TRIO: variants seen among roughly 807,000 people sequenced by gnomAD.
TRIO encodes triple functional domain protein.
In TRIO, 58 loss-of-function variants were observed where a neutral mutation model predicts 351.9. The observed-to-expected ratio is 0.16, with a 90% CI of 0.13 to 0.21. The LOEUF is 0.21. Ranked by LOEUF, TRIO falls within the 10% of genes least tolerant of loss-of-function variation. The pLI, the probability that TRIO is intolerant of heterozygous loss-of-function variation, is 1.00. For synonymous variants in TRIO, 1,758 were observed against 1,595.7 expected, an observed-to-expected ratio of 1.10 and a Z score of -2.42; for missense variants, 3,201 against 4,027.8, an observed-to-expected ratio of 0.79 and a Z score of 5.56.
In TRIO at chr5:14,293,048, C is replaced by G. The variant is rs767616589; in HGVS notation, c.1090C>G (p.Leu364Val). 1 of 1,614,168 alleles carries G rather than the reference C, an allele frequency of 6.2e-7. No individual in the cohort carries two copies. Among genetic ancestry groups the G allele is most frequent in the East Asian group, 2.2e-5 (1 of 44,880 alleles). ...DWITHNKGLF[L>V]NSYTEIGTSH... The stretch of plus-strand genomic sequence containing the variant: ...GATCACACACAACAAAGGCCTGTTT[C>G]TAAACAGCTACACAGAGATTGGGAC... Residue 364 changes from leucine (L) to valine (V), a missense_variant, in exon 6 of 57, where the codon CTA becomes GTA. Leu to Val is a conservative substitution (Grantham distance 32). Around this residue, in one of 19 missense-constraint regions of TRIO, gnomAD observed 349 missense variants for 449.3 expected, o/e 0.78. Coordinates refer to ENST00000344204, the MANE Select transcript of TRIO (RefSeq NM_007118.4).
Position 14,246,685 on chromosome 5 carries a change from G to A in TRIO, c.158-24140G>A, listed in dbSNP as rs147744352. ...CTGTTTCCCTCTCCAGTCACCCCTC[G>A]CCTCCTGTTCCCTGTGGCTTCTCCA... On this transcript the variant is annotated intron_variant, in intron 1 of 56. Transcript: ENST00000344204. Among the ~76,000 whole-genome samples, 1,378 of 152,208 alleles carry A rather than the reference G, an allele frequency of 9.1e-3. 15 individuals carry two copies. Among genetic ancestry groups the A allele is most frequent in the African/African-American group, 0.031 (1,297 of 41,518 alleles).
chr5:14,201,332 T>G (rs182727980), intron 1 of TRIO, among the ~76,000 whole-genome samples: 1 of 152,352 alleles, frequency 6.6e-6, no homozygotes, highest in East Asian at 1.9e-4. Context: ...AGATTCTGCT[T>G]CTTGTTTTAC....
chr5:14,182,871 C>A (rs979860984), intron 1 of TRIO, among the ~76,000 whole-genome samples: 4 of 131,080 alleles, frequency 3.1e-5, no homozygotes, highest in African/African-American at 1.3e-4. Flanking sequence ...GACCCCCCCC[C>A]CTCCACTTTG....
At chr5:14,453,182 G>C (rs1418530546) in intron 34 of TRIO, among the ~76,000 whole-genome samples, 1 of 152,118 alleles carries the variant, frequency 6.6e-6, no homozygotes, top group Admixed American at 6.5e-5. Flanking sequence ...AAGAAGGAAT[G>C]AATTTGAATT....
In TRIO at chr5:14,143,834, G is replaced by A; in HGVS notation, c.109G>A (p.Glu37Lys). 9.3e-7 allele frequency: 1 copy of A among 1,071,446 alleles called. No individual in the cohort carries two copies. The highest frequency in any genetic ancestry group is 1.1e-6 in the Non-Finnish European group (1 of 886,958). 66.4% of individuals were successfully genotyped at this position (1,071,446 alleles called of 1,614,324 possible). The change falls in exon 1 of 57, where the codon GAG becomes AAG. Residue 37 changes from glutamate to lysine, a missense_variant. Glu to Lys is a moderately conservative substitution (Grantham distance 56, BLOSUM62 1). This residue lies in a region of TRIO where 109 missense variants were observed against 134.6 expected (regional missense o/e 0.81). Coordinates refer to ENST00000344204, the MANE Select transcript of TRIO (RefSeq NM_007118.4). ...GCGGGAGEGA[E>K]EAAKDLADIA... ...CGGGGGCGGTGCCGGCGAGGGGGCA[G>A]AGGAGGCGGCCAAGGACCTGGCCGA...
chr5:14,389,518 A>G, intron 25 of TRIO, 120 bp downstream of exon 25: 2 of 680,238 alleles, frequency 2.9e-6, no homozygotes, highest in Non-Finnish European at 4.8e-6. Context: ...TTCCATTTGA[A>G]TGAAGCCTAT....
intron 33 of TRIO, among the ~76,000 whole-genome samples, chr5:14,410,238 C>G (rs1200739527): frequency 1.3e-5 from 2 of 152,170 alleles, no homozygotes; most frequent in Non-Finnish European, 2.9e-5. Flanking sequence ...TGCGGCCTTA[C>G]AAACAAGAAG....
chr5:14,424,802 C>T (rs917582997), intron 34 of TRIO, among the ~76,000 whole-genome samples: 16 of 152,198 alleles, frequency 1.1e-4, no homozygotes, highest in Non-Finnish European at 1.9e-4. Flanking sequence ...TATTTTCATT[C>T]GGAACTGTCC....
chr5:14,440,121 A>G (rs1214570195), intron 34 of TRIO, among the ~76,000 whole-genome samples: 1 of 152,226 alleles, frequency 6.6e-6, no homozygotes, highest in Non-Finnish European at 1.5e-5. Context: ...AAAATTGTTT[A>G]TACTGTCAAG....
rs1378278687 is a variant in TRIO, at chr5:14,241,007, GA to G, written c.158-29817del. Among the ~76,000 whole-genome samples, 4 of 152,314 alleles carry G rather than the reference GA, an allele frequency of 2.6e-5. No homozygotes were observed. In the East Asian group the frequency reaches 7.7e-4, roughly 29 times the overall value. On this transcript the variant is annotated intron_variant, in intron 1 of 56. Transcript: ENST00000344204. Reference sequence around the variant, plus strand: ...TAGAATGAGTCATTAAAATACTGGTGAGGTTTTTTAGGGAAATAGCATTGTA... The same window carrying G: ...TAGAATGAGTCATTAAAATACTGGTGGGTTTTTTAGGGAAATAGCATTGTA...
At chr5:14,233,321 A>G (rs1793574539) in intron 1 of TRIO, among the ~76,000 whole-genome samples, 1 of 148,750 alleles carries the variant, frequency 6.7e-6, no homozygotes, top group Non-Finnish European at 1.5e-5. Context: ...TCTCTTAAAA[A>G]AAAAAAAAAA....
intron 34 of TRIO, among the ~76,000 whole-genome samples, chr5:14,454,386 G>C (rs1753084172): frequency 6.6e-6 from 1 of 152,208 alleles, no homozygotes; most frequent in African/African-American, 2.4e-5. Context: ...GTCGCTAGAA[G>C]GGTTGCCTTA....
intron 26 of TRIO, chr5:14,390,511 G>GAATA: frequency 1.7e-6 from 1 of 590,350 alleles, no homozygotes. Flanking sequence ...GTTTGAAATA[G>GAATA]AATATTTAGT....
In TRIO at chr5:14,358,298, G is replaced by T; in HGVS notation, c.2167G>T (p.Val723Leu). Residue 723 changes from valine to leucine, a missense_variant, in exon 12 of 57, where the codon GTG (valine) becomes TTG (leucine). By Grantham distance (32) the Val-to-Leu change is conservative. Transcript: ENST00000344204. ...CCAGCAGCAGCAGACCACCCTGCAG[G>T]TGACTGTCAACGTGATCAAGGAAGG... Reference protein sequence around the residue: ...FGQQQQTTLQVTVNVIKEGED... With the variant: ...FGQQQQTTLQLTVNVIKEGED... 2 of 1,614,190 alleles carry T rather than the reference G, an allele frequency of 1.2e-6. No individual in the cohort carries two copies. Among genetic ancestry groups the T allele is most frequent in the Non-Finnish European group, 1.7e-6 (2 of 1,180,028 alleles).
intron 1 of TRIO, among the ~76,000 whole-genome samples, chr5:14,213,974 C>T (rs1792068121): frequency 6.6e-6 from 1 of 152,238 alleles, no homozygotes; most frequent in East Asian, 1.9e-4. Context: ...TTAATGTGTG[C>T]TTTCTAATGA....
intron 1 of TRIO, among the ~76,000 whole-genome samples, chr5:14,251,969 T>TAAAAA (rs1554041668): frequency 7.3e-6 from 1 of 137,558 alleles, no homozygotes; most frequent in Non-Finnish European, 1.6e-5. Flanking sequence ...AGAGGCAACT[T>TAAAAA]AAAAAAAAAA....
At chr5:14,152,989 T>C (rs977918902) in intron 1 of TRIO, among the ~76,000 whole-genome samples, 1 of 152,258 alleles carries the variant, frequency 6.6e-6, no homozygotes, top group Non-Finnish European at 1.5e-5. Flanking sequence ...GGCCTTTCTC[T>C]CATACCTCAT....
At chr5:14,305,971 GAGC>G (rs1255800778) in intron 8 of TRIO, among the ~76,000 whole-genome samples, 2 of 152,218 alleles carry the variant, frequency 1.3e-5, no homozygotes, top group Non-Finnish European at 2.9e-5. Context: ...TTGTAGCCTG[GAGC>G]AGTGGGCTGC....
chr5:14,344,272 C>T (rs2152325480), intron 11 of TRIO, among the ~76,000 whole-genome samples: 1 of 152,324 alleles, frequency 6.6e-6, no homozygotes, highest in East Asian at 1.9e-4. Context: ...AGCATTATGT[C>T]TTTACATAGA....
Sources: allele counts gnomAD v4.1 joint callset (sites outside exome capture counted in the v4.1 genomes callset), GRCh38; gene constraint gnomAD v4.1.1; regional missense constraint gnomAD v4.1.1; transcripts MANE v1.5; gene names NCBI Gene and HGNC (gene_info 2026-07-23, HGNC 2026-07-21).